SNX29: variants seen among roughly 807,000 people sequenced by gnomAD.
SNX29 encodes sorting nexin 29, also known as sorting nexin-29.
In SNX29, 78 loss-of-function variants were observed where a neutral mutation model predicts 102.1. The ratio of observed to expected loss-of-function variants is 0.76; its 90% CI spans 0.64 to 0.92. The LOEUF (loss-of-function observed/expected upper bound fraction) is 0.92, where lower values mean the gene tolerates loss of function less well. SNX29 is among the 40% of genes least tolerant of loss of function. The pLI is 0.00. For missense variants in SNX29, 1,280 were observed against 1,061.7 expected (o/e 1.21, Z -2.86); for synonymous variants, 580 against 414.5 (o/e 1.40, Z -4.85).
chr16:12,362,137 C>G (rs2082317828), intron 16 of SNX29, among the ~76,000 whole-genome samples: 1 of 152,190 alleles, frequency 6.6e-6, no homozygotes, highest in Admixed American at 6.5e-5. Flanking sequence ...TTTTAAGAAC[C>G]GTGTCTTGTT....
At chr16:12,552,649 G>A (rs184751183) in intron 20 of SNX29, among the ~76,000 whole-genome samples, 1 of 152,234 alleles carries the variant, frequency 6.6e-6, no homozygotes, top group Non-Finnish European at 1.5e-5. Flanking sequence ...TGGAAGGATT[G>A]CAATGGGAGA....
chr16:12,209,508 G>C (rs1489654691), intron 14 of SNX29, among the ~76,000 whole-genome samples: 1 of 152,142 alleles, frequency 6.6e-6, no homozygotes, highest in African/African-American at 2.4e-5. Flanking sequence ...TCAAGAGTTT[G>C]AGTGACCACC....
intron 14 of SNX29, among the ~76,000 whole-genome samples, chr16:12,240,485 A>AT (rs1452793573): frequency 6.6e-6 from 1 of 150,622 alleles, no homozygotes; most frequent in East Asian, 2.0e-4. Context: ...TATTGAGTCT[A>AT]TAACGATCTT....
At chr16:12,567,970 G>A (rs559778795) in intron 20 of SNX29, among the ~76,000 whole-genome samples, 2 of 152,234 alleles carry the variant, frequency 1.3e-5, no homozygotes, top group African/African-American at 4.8e-5. Context: ...CCCTCTTGGT[G>A]TTATCTTCCA....
intron 11 of SNX29, among the ~76,000 whole-genome samples, chr16:12,095,569 A>T (rs993553676): frequency 1.3e-5 from 2 of 152,234 alleles, no homozygotes; most frequent in Admixed American, 6.5e-5. Flanking sequence ...ACAGTCATGC[A>T]TTGCCAGTCA....
intron 3 of SNX29, among the ~76,000 whole-genome samples, chr16:12,021,439 C>G (rs992604113): frequency 6.6e-6 from 1 of 150,684 alleles, no homozygotes; most frequent in Non-Finnish European, 1.5e-5. Flanking sequence ...AAAAAAAAAT[C>G]AAGTAAATAG....
intron 13 of SNX29, among the ~76,000 whole-genome samples, chr16:12,153,640 ATT>A (rs144224447): frequency 4.0e-4 from 56 of 139,238 alleles, no homozygotes; most frequent in Non-Finnish European, 4.1e-4. Flanking sequence ...CACCTGGCTA[ATT>A]TTTTTTTTTT....
chr16:12,430,909 G>A (rs2085285648), intron 18 of SNX29, among the ~76,000 whole-genome samples: 2 of 150,818 alleles, frequency 1.3e-5, no homozygotes, highest in African/African-American at 2.5e-5. Context: ...CTGGAGTGCA[G>A]TGGCACAATC....
intron 14 of SNX29, among the ~76,000 whole-genome samples, chr16:12,260,670 T>C (rs965595351): frequency 2.0e-5 from 3 of 152,072 alleles, no homozygotes; most frequent in Admixed American, 1.3e-4. Flanking sequence ...GGAGTGGATG[T>C]TTGCTATGAG....
chr16:12,078,967 C>T (rs571761840), intron 11 of SNX29, 52 bp downstream of exon 11: 57 of 1,461,984 alleles, frequency 3.9e-5, no homozygotes, highest in Middle Eastern at 2.1e-4. Flanking sequence ...TTCTGGCCCA[C>T]GTCTCATGGC....
intron 19 of SNX29, among the ~76,000 whole-genome samples, chr16:12,519,739 A>G (rs982672099): frequency 1.3e-5 from 2 of 152,194 alleles, no homozygotes; most frequent in African/African-American, 4.8e-5. Context: ...CTGTAATTCC[A>G]GCACTTTGGG....
At chr16:12,558,003 T>TG (rs1273221400) in intron 20 of SNX29, among the ~76,000 whole-genome samples, 4 of 152,156 alleles carry the variant, frequency 2.6e-5, no homozygotes, top group African/African-American at 9.7e-5. Flanking sequence ...TTGGTTGGGC[T>TG]GGGTGCTGCA....
chr16:12,482,688 T>C (rs941290582), intron 19 of SNX29, among the ~76,000 whole-genome samples: 1 of 152,222 alleles, frequency 6.6e-6, no homozygotes, highest in African/African-American at 2.4e-5. Context: ...ACCTAGACAT[T>C]ATTCAAGGAA....
At chr16:12,506,614 A>G (rs1439216262) in intron 19 of SNX29, among the ~76,000 whole-genome samples, 1 of 152,242 alleles carries the variant, frequency 6.6e-6, no homozygotes, top group Non-Finnish European at 1.5e-5. Context: ...AAGAAAAGAA[A>G]GATGAAAGAA....
chr16:12,549,375 G>T (rs963302025), intron 20 of SNX29, among the ~76,000 whole-genome samples: 1 of 152,166 alleles, frequency 6.6e-6, no homozygotes, highest in African/African-American at 2.4e-5. Flanking sequence ...TGCACCTGTA[G>T]TCCCAGCTAC....
Position 12,570,734 on chromosome 16 carries a change from T to TACCC in SNX29, c.*2106_*2109dup, listed in dbSNP as rs2079169874. 1 of 232,012 alleles carries TACCC rather than the reference T, an allele frequency of 4.3e-6. No homozygotes were observed. The highest frequency in any genetic ancestry group is 2.2e-5 in the African/African-American group (1 of 45,262). The allele number at this position is 232,012 out of a possible 1,614,324, so 14.4% of individuals were successfully genotyped here. A position where few individuals can be genotyped will look rare whatever the true frequency, so the allele number is the denominator to read the frequency against. ...GGATGTGAATTGGTCTCTCTCCAGA[T>TACCC]ACCCCACGAGGAAGCACCTTGGACA... On this transcript the variant is annotated 3_prime_UTR_variant, in exon 21 of 21. Transcript: ENST00000566228.
chr16:12,024,619 C>G (rs1323493734), intron 3 of SNX29, among the ~76,000 whole-genome samples: 4 of 152,176 alleles, frequency 2.6e-5, no homozygotes, highest in African/African-American at 7.2e-5. Context: ...TAGTTGTGAC[C>G]TGTGTGCCTC....
chr16:12,254,205 C>T lies in SNX29; in HGVS notation c.1679-23728C>T, dbSNP rs1436559361. Among the ~76,000 whole-genome samples the T allele has an allele frequency of 5.9e-5, 9 of 152,030 alleles. No individual in the cohort carries two copies. In the East Asian group the frequency reaches 9.6e-4, roughly 16 times the overall value. ...GGTATCAAGAGTTCAGTTAGTATGC[C>T]GGGGCCCACAATACCGAATGGAACA... On this transcript the variant is annotated intron_variant, in intron 14 of 20. Coordinates refer to ENST00000566228, the MANE Select transcript of SNX29 (RefSeq NM_032167.5).
chr16:12,466,120 A>G (rs920276871), intron 18 of SNX29, among the ~76,000 whole-genome samples: 1 of 152,234 alleles, frequency 6.6e-6, no homozygotes, highest in African/African-American at 2.4e-5. Context: ...CTTTGGTTCA[A>G]TATAGTACTG....
Sources: gnomAD v4.1 joint callset for allele counts (sites outside exome capture counted in the v4.1 genomes callset) on GRCh38, gnomAD v4.1.1 for gene constraint, MANE v1.5 for transcripts, NCBI Gene and HGNC (gene_info 2026-07-23, HGNC 2026-07-21) for gene names.